The following CACNA1I variants were observed in gnomAD, a reference collection of about 807,000 sequenced individuals.
CACNA1I encodes the protein calcium voltage-gated channel subunit alpha1 I.
CACNA1I carries 74 observed loss-of-function variants against 201.6 expected under a neutral mutation model. The observed-to-expected ratio is 0.37, with a 90% CI of 0.30 to 0.45. The LOEUF is 0.45. Among genes scored for constraint, CACNA1I ranks in the 20% least tolerant of loss-of-function variants. CACNA1I has a pLI of 1.00. For missense variants in CACNA1I, 2,346 were observed against 3,138.1 expected (o/e 0.75, Z 6.03); for synonymous variants, 1,431 against 1,345.2 (o/e 1.06, Z -1.40).
In CACNA1I at chr22:39,629,388, C is replaced by A. The variant is rs940667950; in HGVS notation, c.581-5177C>A. ...CAAACCTTGGAGTCGTCCCCAACTG[C>A]CCTCTTCCTCCTACATCCATATCCC... On this transcript the variant is annotated intron_variant, in intron 4 of 36. Transcript: ENST00000402142. The surrounding 1 kb of genome is among the most constrained non-coding windows in gnomAD (Gnocchi z 4.8). Among the ~76,000 whole-genome samples the A allele has an allele frequency of 3.9e-5, 6 of 152,064 alleles. No homozygotes were observed. Among genetic ancestry groups the A allele is most frequent in the African/African-American group, 1.4e-4 (6 of 41,414 alleles).
chr22:39,688,934 C>G lies in CACNA1I; in HGVS notation c.*2529C>G, dbSNP rs146104876. On this transcript the variant is annotated 3_prime_UTR_variant, in exon 37 of 37. Transcript: ENST00000402142. This position sits in a 1 kb window ranked among gnomAD's most constrained non-coding sequence, Gnocchi z 4.8. ...CGTCCCAGGCTCCTGGAGGCCCCAC[C>G]TGCCGATCCCAGGCACTTGACCTTG... 4 of 152,810 alleles carry G rather than the reference C, an allele frequency of 2.6e-5. No individual in the cohort carries two copies. The highest frequency in any genetic ancestry group is 1.9e-4 in the East Asian group (1 of 5,178). 9.5% of individuals were successfully genotyped at this position (152,810 alleles called of 1,614,324 possible).
At chr22:39,589,818 C>T (rs1030604737) in intron 1 of CACNA1I, among the ~76,000 whole-genome samples, 5 of 152,216 alleles carry the variant, frequency 3.3e-5, no homozygotes, top group African/African-American at 1.2e-4. Context: ...ACCTTCCCTA[C>T]CTCCCCGATC....
chr22:39,574,315 G>C (rs967678416), intron 1 of CACNA1I, among the ~76,000 whole-genome samples: 1 of 152,164 alleles, frequency 6.6e-6, no homozygotes, highest in South Asian at 2.1e-4. Flanking sequence ...GGCTGCAGCC[G>C]CTGCTGGCCT....
chr22:39,689,469 C>G lies in CACNA1I; in HGVS notation c.*3064C>G, dbSNP rs904938401. On this transcript the variant is annotated 3_prime_UTR_variant, in exon 37 of 37. Transcript: ENST00000402142. Reference sequence around the variant, plus strand: ...ACACATACTCTTTTTTGTCTTTGTGCAATAATCAGTGTTCCTGGCAGAGCC... The same window carrying G: ...ACACATACTCTTTTTTGTCTTTGTGGAATAATCAGTGTTCCTGGCAGAGCC... 2.6e-5 allele frequency: 4 copies of G among 152,710 alleles called. No homozygotes were observed. The highest frequency in any genetic ancestry group is 6.5e-5 in the Admixed American group (1 of 15,288). The allele number at this position is 152,710 out of a possible 1,614,324, so 9.5% of individuals were successfully genotyped here.
At chr22:39,574,506 G>A (rs888569611) in intron 1 of CACNA1I, among the ~76,000 whole-genome samples, 6 of 152,114 alleles carry the variant, frequency 3.9e-5, no homozygotes, top group Non-Finnish European at 7.4e-5. Context: ...GGCAGGGGCT[G>A]AAGCCTCTAG....
intron 4 of CACNA1I, among the ~76,000 whole-genome samples, chr22:39,620,204 CGTCCATCCATCTACCT>C (rs1326704037): frequency 6.7e-6 from 1 of 149,878 alleles, no homozygotes; most frequent in Non-Finnish European, 1.5e-5. Context: ...TTCACCCACC[CGTCCATCCATCTACCT>C]GTCCACCCAT....
Position 39,659,947 on chromosome 22 carries a change from A to G in CACNA1I, c.2604+95A>G, listed in dbSNP as rs1294168310. On this transcript the variant is annotated intron_variant, in intron 14 of 36. Coordinates refer to ENST00000402142, the MANE Select transcript of CACNA1I (RefSeq NM_021096.4). This position sits in a 1 kb window ranked among gnomAD's most constrained non-coding sequence, Gnocchi z 4.3. ...CTGGATGGGGGAGGGCTGCAATTCA[A>G]ACTTCTAGCAGGCAACCTATCCCTA... The G allele has an allele frequency of 7.7e-6, 11 of 1,427,344 alleles. No homozygotes were observed. The Admixed American group carries it at 2.0e-4, about 26-fold the overall frequency. The allele number at this position is 1,427,344 out of a possible 1,614,324, so 88.4% of individuals were successfully genotyped here. A position where few individuals can be genotyped will look rare whatever the true frequency, so the allele number is the denominator to read the frequency against.
intron 3 of CACNA1I, among the ~76,000 whole-genome samples, chr22:39,602,418 C>T (rs777260876): frequency 1.4e-4 from 21 of 152,056 alleles, no homozygotes; most frequent in Non-Finnish European, 3.1e-4. Flanking sequence ...TTTACAAACA[C>T]ATTGTCAACA....
At position 39,666,470 on chromosome 22, in the gene CACNA1I, C is replaced by T. The variant is rs377577024; in HGVS notation, c.4104+464C>T. Among the ~76,000 whole-genome samples, 156 of 152,290 alleles carry T rather than the reference C, an allele frequency of 1.0e-3. 1 individual carries two copies. The highest frequency in any genetic ancestry group is 1.4e-3 in the Non-Finnish European group (94 of 68,020). ...CTTGGCCCGGGGTGGTACTCTCTCC[C>T]CTCACCCACCGCTGCTCTCTGCTCT... On this transcript the variant is annotated intron_variant, in intron 23 of 36. Coordinates refer to ENST00000402142, the MANE Select transcript of CACNA1I (RefSeq NM_021096.4). The surrounding 1 kb of genome is among the most constrained non-coding windows in gnomAD (Gnocchi z 4.1).
In CACNA1I at chr22:39,619,422, C is replaced by T. The variant is rs750892840; in HGVS notation, c.580+15C>T. The T allele has an allele frequency of 1.9e-6, 3 of 1,589,118 alleles. No individual in the cohort carries two copies. Among genetic ancestry groups the T allele is most frequent in the East Asian group, 2.2e-5 (1 of 44,784 alleles). Reference sequence around the variant, plus strand: ...CCGCGTGCCCAGTGAGTCAGCCCCGCCCTGTCCACACATTCCTGGCTGATC... The same window carrying T: ...CCGCGTGCCCAGTGAGTCAGCCCCGTCCTGTCCACACATTCCTGGCTGATC... On this transcript the variant is annotated intron_variant, in intron 4 of 36. Transcript: ENST00000402142.
intron 1 of CACNA1I, among the ~76,000 whole-genome samples, chr22:39,578,605 C>T (rs886606691): frequency 6.6e-6 from 1 of 151,948 alleles, no homozygotes; most frequent in African/African-American, 2.4e-5. Flanking sequence ...CTCCCCAGTT[C>T]GCCTTCCTCC....
At chr22:39,573,774 G>T (rs1316732298) in intron 1 of CACNA1I, among the ~76,000 whole-genome samples, 1 of 152,214 alleles carries the variant, frequency 6.6e-6, no homozygotes, top group Non-Finnish European at 1.5e-5. Flanking sequence ...CTCAGGTCAT[G>T]TGGGTTGTGG....
chr22:39,686,153 C>G lies in CACNA1I; in HGVS notation c.6420C>G (p.Pro2140=). The G allele has an allele frequency of 4.7e-6, 6 of 1,283,034 alleles. No homozygotes were observed. Among genetic ancestry groups the G allele is most frequent in the Non-Finnish European group, 5.9e-6 (6 of 1,016,344 alleles). 79.5% of individuals were successfully genotyped at this position (1,283,034 alleles called of 1,614,324 possible). The change falls in exon 37 of 37, where the codon CCC becomes CCG. Residue 2140 remains proline, a synonymous_variant. Transcript: ENST00000402142. The stretch of plus-strand genomic sequence containing the variant: ...TCACCTCCCTCTTCTGCCCGCCGCC[C>G]CCGCCGCCAGCCCCCGGCCTCACGC... The part of the protein sequence containing the change: ...LSLTSLFCPP[P]PPPAPGLTPA...
intron 4 of CACNA1I, among the ~76,000 whole-genome samples, chr22:39,625,346 A>G (rs1341678705): frequency 1.3e-5 from 2 of 152,188 alleles, no homozygotes; most frequent in African/African-American, 4.8e-5. Flanking sequence ...CCTGCGGTTT[A>G]AAAATACAGC....
chr22:39,652,620 T>C (rs1934683623), intron 10 of CACNA1I, among the ~76,000 whole-genome samples: 1 of 152,160 alleles, frequency 6.6e-6, no homozygotes, highest in South Asian at 2.1e-4. Context: ...CAATCCTGGT[T>C]CTGGCCTGGC....
At chr22:39,652,352 A>T (rs909789338) in intron 10 of CACNA1I, among the ~76,000 whole-genome samples, 4 of 152,162 alleles carry the variant, frequency 2.6e-5, no homozygotes, top group Non-Finnish European at 5.9e-5. Flanking sequence ...CCAGGCTAAG[A>T]GATGAGAGAG....
At chr22:39,680,832 C>T (rs1601530739) in intron 33 of CACNA1I, 98 bp from the exon 34 acceptor site, 3 of 1,360,240 alleles carry the variant, frequency 2.2e-6, no homozygotes, top group East Asian at 2.4e-5. Context: ...CACTGCTCGG[C>T]CTCTCTTCAG....
At chr22:39,628,028 G>A (rs1933947914) in intron 4 of CACNA1I, among the ~76,000 whole-genome samples, 1 of 152,178 alleles carries the variant, frequency 6.6e-6, no homozygotes, top group African/African-American at 2.4e-5. Flanking sequence ...GACCCTGCAG[G>A]GAGAAGTGCT....
chr22:39,629,519 G>A lies in CACNA1I; in HGVS notation c.581-5046G>A, dbSNP rs546511398. On this transcript the variant is annotated intron_variant, in intron 4 of 36. Transcript: ENST00000402142. This position sits in a 1 kb window ranked among gnomAD's most constrained non-coding sequence, Gnocchi z 4.8. ...CCACCATCTTCCGGTTTATCACAATGATGAATGTATGACGGCCAGGCAGGG... is the reference window on the plus strand; with the variant it reads ...CCACCATCTTCCGGTTTATCACAATAATGAATGTATGACGGCCAGGCAGGG... 1.4e-5 allele frequency among the ~76,000 whole-genome samples: 2 copies of A among 138,300 alleles called. No homozygotes were observed. The highest frequency in any genetic ancestry group is 5.5e-4 in the East Asian group (2 of 3,642). 90.7% of individuals were successfully genotyped at this position (138,300 alleles called of 152,430 possible).
Sources: gnomAD v4.1 joint callset for allele counts (sites outside exome capture counted in the v4.1 genomes callset) on GRCh38, gnomAD v4.1.1 for gene constraint, Gnocchi (gnomAD v3.1) non-coding constraint, MANE v1.5 for transcripts, NCBI Gene and HGNC (gene_info 2026-07-23, HGNC 2026-07-21) for gene names.